Variants in FAM107B observed in about 807,000 individuals in gnomAD.
FAM107B encodes family with sequence similarity 107 member B, also known as protein FAM107B.
A neutral mutation model predicts 31.5 loss-of-function variants in FAM107B; 21 were observed. That is an observed-to-expected ratio of 0.67 (90% CI 0.47 to 0.96). The LOEUF (loss-of-function observed/expected upper bound fraction) is 0.96. FAM107B is among the 40% of genes least tolerant of loss of function. The pLI is 0.00. For synonymous variants in FAM107B, 157 were observed against 141.5 expected (o/e 1.11, Z -0.78); for missense variants, 452 against 377.1 (o/e 1.20, Z -1.64).
chr10:14,666,875 T>C (rs1446139868), intron 2 of FAM107B, among the ~76,000 whole-genome samples: 1 of 152,170 alleles, frequency 6.6e-6, no homozygotes, highest in Non-Finnish European at 1.5e-5. Context: ...GCATACTCTT[T>C]TCATTACCAC....
chr10:14,582,640 G>A (rs995320343), intron 2 of FAM107B, among the ~76,000 whole-genome samples: 2 of 151,002 alleles, frequency 1.3e-5, no homozygotes, highest in Admixed American at 6.6e-5. Flanking sequence ...GCCTCCCAAA[G>A]AGCTGGGATT....
intron 1 of FAM107B, among the ~76,000 whole-genome samples, chr10:14,697,419 A>G (rs969526691): frequency 1.3e-5 from 2 of 152,232 alleles, no homozygotes; most frequent in African/African-American, 4.8e-5. Context: ...AGGGCTCTGC[A>G]TTTATGTAAT....
intron 1 of FAM107B, among the ~76,000 whole-genome samples, chr10:14,700,138 G>C (rs1258331815): frequency 6.6e-5 from 10 of 152,054 alleles, no homozygotes; most frequent in Non-Finnish European, 7.4e-5. Context: ...TCACCATGTT[G>C]ACCAGGCTGG....
intron 2 of FAM107B, among the ~76,000 whole-genome samples, chr10:14,667,289 T>TAATCATAAATATTTCAGGA (rs1854426734): frequency 6.6e-6 from 1 of 152,242 alleles, no homozygotes; most frequent in Admixed American, 6.5e-5. Context: ...TTTTCCAAGA[T>TAATCATAAATATTTCAGGA]AATCATAAAT....
At chr10:14,629,362 A>G (rs866790629) in intron 2 of FAM107B, among the ~76,000 whole-genome samples, 17 of 73,174 alleles carry the variant, frequency 2.3e-4, no homozygotes, top group South Asian at 1.4e-3. Context: ...TATAATATAT[A>G]TTATATATTT....
At chr10:14,561,162 G>T (rs2131173307) in intron 2 of FAM107B, among the ~76,000 whole-genome samples, 1 of 152,350 alleles carries the variant, frequency 6.6e-6, no homozygotes, top group East Asian at 1.9e-4. Context: ...AATTCATCAA[G>T]TATTTAGTCT....
intron 1 of FAM107B, among the ~76,000 whole-genome samples, chr10:14,673,098 G>T (rs956755873): frequency 6.6e-6 from 1 of 152,174 alleles, no homozygotes; most frequent in Non-Finnish European, 1.5e-5. Flanking sequence ...TAATTAGCCT[G>T]TCCGTCACCT....
chr10:14,717,046 C>T (rs762839142), intron 1 of FAM107B, among the ~76,000 whole-genome samples: 32 of 152,148 alleles, frequency 2.1e-4, no homozygotes, highest in East Asian at 1.9e-4. Context: ...GCCGAGATAG[C>T]GCCACTGCAC....
At chr10:14,681,375 C>T (rs1462185352) in intron 1 of FAM107B, among the ~76,000 whole-genome samples, 2 of 152,182 alleles carry the variant, frequency 1.3e-5, no homozygotes, top group Non-Finnish European at 2.9e-5. Context: ...AATCTCTCCA[C>T]CTGTCCATTG....
chr10:14,772,886 G>C (rs530958920), intron 1 of FAM107B, among the ~76,000 whole-genome samples: 1 of 152,114 alleles, frequency 6.6e-6, no homozygotes, highest in Non-Finnish European at 1.5e-5. Flanking sequence ...TTGTTCTTGC[G>C]GCTGTCTTCA....
chr10:14,685,151 T>TA (rs1292839345), intron 1 of FAM107B, among the ~76,000 whole-genome samples: 9 of 65,744 alleles, frequency 1.4e-4, no homozygotes, highest in Middle Eastern at 8.8e-3. Context: ...TATTTTTTTT[T>TA]TTTTTTTTTT....
At chr10:14,708,084 CT>C (rs1004460397) in intron 1 of FAM107B, among the ~76,000 whole-genome samples, 108 of 145,190 alleles carry the variant, frequency 7.4e-4, no homozygotes, top group Admixed American at 8.3e-4. Flanking sequence ...GGAGGACTGT[CT>C]TTTTTTTTTT....
At chr10:14,682,094 T>C (rs1854849982) in intron 1 of FAM107B, among the ~76,000 whole-genome samples, 1 of 152,230 alleles carries the variant, frequency 6.6e-6, no homozygotes, top group African/African-American at 2.4e-5. Flanking sequence ...ATGTTGGAGT[T>C]ATGCAAAGCC....
chr10:14,630,567 T>C (rs1359488303), intron 2 of FAM107B, among the ~76,000 whole-genome samples: 1 of 152,168 alleles, frequency 6.6e-6, no homozygotes, highest in Non-Finnish European at 1.5e-5. Context: ...TCCACGCCTA[T>C]AGTCTCAGAA....
Position 14,520,960 on chromosome 10 carries a change from C to T in FAM107B, c.*230G>A. ...TTCTGTTAAGTCTCTGAACACAGGTCCATCATTCCAACTTACGTGCGGGGC... is the reference window on the plus strand; with the variant it reads ...TTCTGTTAAGTCTCTGAACACAGGTTCATCATTCCAACTTACGTGCGGGGC... On this transcript the variant is annotated 3_prime_UTR_variant, in exon 5 of 5. Coordinates refer to ENST00000181796, the MANE Select transcript of FAM107B (RefSeq NM_031453.4). 2.2e-6 allele frequency: 1 copy of T among 461,914 alleles called. No individual in the cohort carries two copies. The highest frequency in any genetic ancestry group is 3.5e-5 in the East Asian group (1 of 28,188). 28.6% of individuals were successfully genotyped at this position (461,914 alleles called of 1,614,324 possible).
At chr10:14,660,918 C>T (rs1854218409) in intron 2 of FAM107B, among the ~76,000 whole-genome samples, 1 of 152,148 alleles carries the variant, frequency 6.6e-6, no homozygotes, top group Non-Finnish European at 1.5e-5. Context: ...CAAATTGTAA[C>T]CCCCAATGTT....
At chr10:14,690,243 C>G (rs1478688372) in intron 1 of FAM107B, among the ~76,000 whole-genome samples, 3 of 152,176 alleles carry the variant, frequency 2.0e-5, no homozygotes, top group Non-Finnish European at 4.4e-5. Flanking sequence ...AAGACACTTA[C>G]TCCACTGGCT....
intron 1 of FAM107B, among the ~76,000 whole-genome samples, chr10:14,737,956 G>A (rs1047622058): frequency 4.6e-5 from 7 of 152,022 alleles, no homozygotes; most frequent in Non-Finnish European, 7.4e-5. Flanking sequence ...ATAAAAACTC[G>A]GTCTCTAGGC....
intron 2 of FAM107B, among the ~76,000 whole-genome samples, chr10:14,624,903 G>C (rs1193353158): frequency 6.6e-6 from 1 of 152,168 alleles, no homozygotes. Flanking sequence ...CACTGATCTA[G>C]GTGGATGACA....
Sources: gnomAD v4.1 joint callset for allele counts (sites outside exome capture counted in the v4.1 genomes callset) on GRCh38, gnomAD v4.1.1 for gene constraint, MANE v1.5 for transcripts, NCBI Gene and HGNC (gene_info 2026-07-23, HGNC 2026-07-21) for gene names.